TBC1D12: variants seen among roughly 807,000 people sequenced by gnomAD.
TBC1D12 encodes TBC1 domain family, member 12.
TBC1D12 carries 56 observed loss-of-function variants against 86.7 expected under a neutral mutation model. The ratio of observed to expected loss-of-function variants is 0.65; its 90% CI spans 0.52 to 0.81. The LOEUF is 0.81. TBC1D12 is among the 30% of genes least tolerant of loss of function. TBC1D12 has a pLI of 0.00. For missense variants in TBC1D12, 1,023 were observed against 1,038.8 expected, an observed-to-expected ratio of 0.98 and a Z score of 0.21; for synonymous variants, 421 against 411.7, an observed-to-expected ratio of 1.02 and a Z score of -0.27.
At chr10:94,499,548 C>G (rs2056368414) in intron 5 of TBC1D12, among the ~76,000 whole-genome samples, 1 of 152,158 alleles carries the variant, frequency 6.6e-6, no homozygotes, top group Non-Finnish European at 1.5e-5. Flanking sequence ...TCCCTCTCGA[C>G]TGGAGGGTTG....
intron 1 of TBC1D12, among the ~76,000 whole-genome samples, chr10:94,440,256 A>C (rs984396737): frequency 3.3e-5 from 5 of 151,790 alleles, no homozygotes; most frequent in African/African-American, 1.2e-4. Context: ...TGCATCCTTA[A>C]CTCCTGGGCC....
chr10:94,415,258 T>G (rs1157165020), intron 1 of TBC1D12, among the ~76,000 whole-genome samples: 1 of 152,220 alleles, frequency 6.6e-6, no homozygotes, highest in African/African-American at 2.4e-5. Context: ...TGAAGAGTGA[T>G]AACATTTAAG....
At chr10:94,459,849 C>T (rs1315826846) in intron 2 of TBC1D12, among the ~76,000 whole-genome samples, 2 of 152,182 alleles carry the variant, frequency 1.3e-5, no homozygotes, top group African/African-American at 2.4e-5. Context: ...GTGAGTGCCG[C>T]ACGCAGCCAC....
intron 9 of TBC1D12, among the ~76,000 whole-genome samples, chr10:94,511,860 C>T (rs940837371): frequency 2.0e-5 from 3 of 152,152 alleles, no homozygotes; most frequent in Admixed American, 6.5e-5. Flanking sequence ...GGGGGAGCTG[C>T]GGGAGATTTC....
At chr10:94,443,484 T>C (rs1021845081) in intron 2 of TBC1D12, among the ~76,000 whole-genome samples, 4 of 152,214 alleles carry the variant, frequency 2.6e-5, no homozygotes, top group African/African-American at 4.8e-5. Context: ...AAATAGTGAA[T>C]AGTTTATCTA....
chr10:94,493,589 T>C, intron 4 of TBC1D12, 142 bp downstream of exon 4: 1 of 693,384 alleles, frequency 1.4e-6, no homozygotes, highest in East Asian at 2.8e-5. Flanking sequence ...TCTTGCTCTG[T>C]TGCCCAGCCT....
intron 2 of TBC1D12, among the ~76,000 whole-genome samples, chr10:94,458,214 G>A (rs1261636002): frequency 6.6e-6 from 1 of 151,908 alleles, no homozygotes; most frequent in Non-Finnish European, 1.5e-5. Flanking sequence ...ATGGATTATT[G>A]GATTATCATA....
intron 2 of TBC1D12, among the ~76,000 whole-genome samples, chr10:94,461,212 G>C (rs2055724244): frequency 6.6e-6 from 1 of 152,136 alleles, no homozygotes; most frequent in South Asian, 2.1e-4. Context: ...GTAAGGTGTG[G>C]GAAAAGGGGA....
Position 94,533,617 on chromosome 10 carries a change from G to A in TBC1D12, c.*521G>A, listed in dbSNP as rs1842483036. 6.6e-6 allele frequency: 1 copy of A among 152,164 alleles called. No individual in the cohort carries two copies. Among genetic ancestry groups the A allele is most frequent in the African/African-American group, 2.4e-5 (1 of 41,424 alleles). The allele number at this position is 152,164 out of a possible 1,614,324, so 9.4% of individuals were successfully genotyped here. On this transcript the variant is annotated 3_prime_UTR_variant, in exon 13 of 13. Coordinates refer to ENST00000225235, the MANE Select transcript of TBC1D12 (RefSeq NM_015188.2). Reference sequence around the variant, plus strand: ...AGATGTCATTTATCTTCATTCACAAGTTGGGGCAAATTCGAGTTACCTAGG... The same window carrying A: ...AGATGTCATTTATCTTCATTCACAAATTGGGGCAAATTCGAGTTACCTAGG...
Position 94,403,494 on chromosome 10 carries a change from C to A in TBC1D12, c.881C>A (p.Pro294Gln). 1 of 1,545,128 alleles carries A rather than the reference C, an allele frequency of 6.5e-7. No individual in the cohort carries two copies. The highest frequency in any genetic ancestry group is 8.7e-7 in the Non-Finnish European group (1 of 1,147,148). Residue 294 changes from proline to glutamine, a missense_variant, in exon 1 of 13, where the codon CCG (proline) becomes CAG (glutamine). Pro to Gln is a moderately conservative substitution (Grantham distance 76). This residue lies in a region of TBC1D12 where 628 missense variants were observed against 531.1 expected (regional missense o/e 1.18). Transcript: ENST00000225235. ...SARDHLPPAG[P>Q]PVPLPAAEQG... Reference sequence around the variant, plus strand: ...CGCGATCACCTGCCCCCGGCGGGGCCGCCGGTGCCCTTGCCCGCCGCGGAG... The same window carrying A: ...CGCGATCACCTGCCCCCGGCGGGGCAGCCGGTGCCCTTGCCCGCCGCGGAG...
In TBC1D12 at chr10:94,433,040, A is replaced by G. The variant is rs1183913274; in HGVS notation, c.972-8856A>G. Among the ~76,000 whole-genome samples the G allele has an allele frequency of 5.3e-5, 8 of 152,130 alleles. No homozygotes were observed. In the East Asian group the frequency reaches 1.6e-3, roughly 30 times the overall value. On this transcript the variant is annotated intron_variant, in intron 1 of 12. Transcript: ENST00000225235. ...GCCGACATGGTAAAACCCTGTCTTT[A>G]CTAAAAATACAAAAACTAGCCATGG...
In TBC1D12 at chr10:94,493,351, A is replaced by G. The variant is rs764762826; in HGVS notation, c.1212-14A>G. ...TTTAAAAATTGTCTTGACTTAAGTA[A>G]TTTTTTTTTCCAGAAATCTTCCTGC... On this transcript the variant is annotated splice_polypyrimidine_tract_variant and intron_variant, in intron 3 of 12. Coordinates refer to ENST00000225235, the MANE Select transcript of TBC1D12 (RefSeq NM_015188.2). 92 of 1,575,352 alleles carry G rather than the reference A, an allele frequency of 5.8e-5. 2 individuals are homozygous for G. The South Asian group carries it at 9.8e-4, about 17-fold the overall frequency.
At chr10:94,532,370 G>A (rs957816042) in intron 12 of TBC1D12, among the ~76,000 whole-genome samples, 2 of 151,922 alleles carry the variant, frequency 1.3e-5, no homozygotes, top group East Asian at 3.9e-4. Context: ...GTAGAGACGG[G>A]GTTTCACCAT....
chr10:94,426,828 G>A (rs537808469), intron 1 of TBC1D12, among the ~76,000 whole-genome samples: 3 of 152,148 alleles, frequency 2.0e-5, no homozygotes, highest in African/African-American at 7.2e-5. Context: ...CACCCACTTC[G>A]GCCTTGCAAA....
At chr10:94,451,453 A>G (rs1474372999) in intron 2 of TBC1D12, among the ~76,000 whole-genome samples, 1 of 152,130 alleles carries the variant, frequency 6.6e-6, no homozygotes, top group African/African-American at 2.4e-5. Context: ...TGTGTTAAGA[A>G]TACATTGGCT....
At chr10:94,473,514 G>A (rs2055940964) in intron 2 of TBC1D12, among the ~76,000 whole-genome samples, 1 of 152,164 alleles carries the variant, frequency 6.6e-6, no homozygotes, top group African/African-American at 2.4e-5. Flanking sequence ...AGAATTACAG[G>A]CAATTGTAGT....
chr10:94,470,728 A>T (rs2055893409), intron 2 of TBC1D12, among the ~76,000 whole-genome samples: 1 of 139,048 alleles, frequency 7.2e-6, no homozygotes, highest in East Asian at 2.0e-4. Context: ...TTTTTAATCC[A>T]GGAGTGCTGC....
chr10:94,517,671 A>G (rs1274441905), intron 9 of TBC1D12, among the ~76,000 whole-genome samples: 2 of 152,210 alleles, frequency 1.3e-5, no homozygotes, highest in African/African-American at 4.8e-5. Flanking sequence ...CACTTACTTT[A>G]TAAGTTAAAA....
At chr10:94,501,007 G>A (rs528353701) in intron 6 of TBC1D12, among the ~76,000 whole-genome samples, 2 of 152,202 alleles carry the variant, frequency 1.3e-5, no homozygotes, top group East Asian at 3.9e-4. Flanking sequence ...AGTGAGCCGA[G>A]ATCGCGCCTG....
Sources: gnomAD v4.1 joint callset for allele counts (sites outside exome capture counted in the v4.1 genomes callset) on GRCh38, gnomAD v4.1.1 for gene constraint, gnomAD v4.1.1 regional missense constraint, MANE v1.5 for transcripts, NCBI Gene and HGNC (gene_info 2026-07-23, HGNC 2026-07-21) for gene names.